CSMD1: variants seen among roughly 807,000 people sequenced by gnomAD.
The protein encoded by CSMD1 is CUB and sushi domain-containing protein 1.
In CSMD1, 213 loss-of-function variants were observed where a neutral mutation model predicts 417.5. That is an observed-to-expected ratio of 0.51 (90% CI 0.46 to 0.57). CSMD1 has a LOEUF of 0.57. Ranked by LOEUF, CSMD1 falls within the 20% of genes least tolerant of loss-of-function variation. The probability of loss-of-function intolerance (pLI) is 0.00; values close to 1 mark genes in which losing one functional copy is unlikely to be tolerated. For missense variants in CSMD1, 6,923 were observed against 4,529.7 expected (o/e 1.53, Z -15.17); for synonymous variants, 2,862 against 1,736.8 (o/e 1.65, Z -16.11).
chr8:3,191,282 C>G (rs1199176370), intron 33 of CSMD1, among the ~76,000 whole-genome samples: 1 of 152,138 alleles, frequency 6.6e-6, no homozygotes, highest in Non-Finnish European at 1.5e-5. Flanking sequence ...AGGTGAAACC[C>G]CCGTCTCTAC....
intron 18 of CSMD1, among the ~76,000 whole-genome samples, chr8:3,374,084 C>T (rs1395283755): frequency 6.6e-6 from 1 of 151,826 alleles, no homozygotes. Context: ...TCCTCAATAG[C>T]TGGGATTACA....
intron 8 of CSMD1, among the ~76,000 whole-genome samples, chr8:3,600,314 T>G (rs1801301265): frequency 6.6e-6 from 1 of 152,226 alleles, no homozygotes; most frequent in African/African-American, 2.4e-5. Context: ...CATTTAATGC[T>G]GTTGAAGGGT....
At chr8:3,953,635 G>C (rs1379766592) in intron 5 of CSMD1, among the ~76,000 whole-genome samples, 1 of 152,050 alleles carries the variant, frequency 6.6e-6, no homozygotes, top group African/African-American at 2.4e-5. Context: ...TCTATGTTAG[G>C]TGCCTCACCT....
chr8:4,780,613 G>C (rs1447445822), intron 1 of CSMD1, among the ~76,000 whole-genome samples: 2 of 152,070 alleles, frequency 1.3e-5, no homozygotes, highest in East Asian at 3.9e-4. Context: ...GGTGGTATTT[G>C]GTTACATGAA....
At chr8:4,727,962 A>G (rs1305442701) in intron 1 of CSMD1, among the ~76,000 whole-genome samples, 1 of 29,366 alleles carries the variant, frequency 3.4e-5, no homozygotes, top group Non-Finnish European at 5.5e-5. Flanking sequence ...ATGTATATAT[A>G]TACAAAATAT....
chr8:3,853,629 C>G (rs1225457767), intron 5 of CSMD1, among the ~76,000 whole-genome samples: 3 of 151,718 alleles, frequency 2.0e-5, no homozygotes, highest in African/African-American at 7.3e-5. Flanking sequence ...ACCTTGTGCC[C>G]CTGTGAGCAA....
chr8:4,008,592 C>G (rs1478403259), intron 4 of CSMD1, among the ~76,000 whole-genome samples: 2 of 86,590 alleles, frequency 2.3e-5, no homozygotes, highest in African/African-American at 8.5e-5. Context: ...TATTTTCTTT[C>G]TTTTTTTCTT....
At chr8:3,431,220 C>T (rs539840179) in intron 12 of CSMD1, among the ~76,000 whole-genome samples, 1 of 152,218 alleles carries the variant, frequency 6.6e-6, no homozygotes, top group East Asian at 1.9e-4. Context: ...AGACACAGGT[C>T]CATGCAACAG....
At chr8:3,674,920 T>G (rs1358939218) in intron 7 of CSMD1, among the ~76,000 whole-genome samples, 1 of 152,184 alleles carries the variant, frequency 6.6e-6, no homozygotes, top group African/African-American at 2.4e-5. Context: ...AATGAACTTA[T>G]GCAACACGTC....
intron 1 of CSMD1, among the ~76,000 whole-genome samples, chr8:4,989,803 C>T (rs771228595): frequency 8.3e-4 from 127 of 152,320 alleles, no homozygotes; most frequent in Middle Eastern, 3.4e-3. Flanking sequence ...GTATCGTCTG[C>T]TTATAAGCAC....
intron 3 of CSMD1, among the ~76,000 whole-genome samples, chr8:4,289,133 A>C (rs2656291): frequency 0.92 from 139,427 of 152,188 alleles, 65,106 homozygotes; most frequent in East Asian, 1. Flanking sequence ...TTAACTAGTT[A>C]CAGTTCTTCT....
intron 7 of CSMD1, among the ~76,000 whole-genome samples, chr8:3,640,834 C>T (rs1488597641): frequency 6.6e-6 from 1 of 152,024 alleles, no homozygotes; most frequent in Non-Finnish European, 1.5e-5. Context: ...GGCCTTAGTC[C>T]ATGGAATCTT....
At chr8:4,128,836 C>G (rs982700513) in intron 3 of CSMD1, among the ~76,000 whole-genome samples, 1 of 152,054 alleles carries the variant, frequency 6.6e-6, no homozygotes, top group Non-Finnish European at 1.5e-5. Context: ...GGATTCATGT[C>G]ATTATTGGTA....
At chr8:4,278,578 C>T (rs1796610792) in intron 3 of CSMD1, among the ~76,000 whole-genome samples, 1 of 152,076 alleles carries the variant, frequency 6.6e-6, no homozygotes, top group South Asian at 2.1e-4. Context: ...ATAACATATG[C>T]CTATTTTTAG....
rs79189398 is a variant in CSMD1, at chr8:3,708,889, G to C, written c.932-398C>G. Among the ~76,000 whole-genome samples, 343 of 152,194 alleles carry C rather than the reference G, an allele frequency of 2.3e-3. 7 individuals carry two copies. The East Asian group carries it at 0.053, about 24-fold the overall frequency. The stretch of plus-strand genomic sequence containing the variant: ...AAGTTTGCTATAATCATGAAAAAAA[G>C]TTTAGATAAAAAGGCCAGTTGCTCA... On this transcript the variant is annotated intron_variant, in intron 6 of 69. Coordinates refer to ENST00000635120, the MANE Select transcript of CSMD1 (RefSeq NM_033225.6).
At chr8:4,972,130 T>C (rs1810274665) in intron 1 of CSMD1, among the ~76,000 whole-genome samples, 1 of 152,166 alleles carries the variant, frequency 6.6e-6, no homozygotes, top group Non-Finnish European at 1.5e-5. Context: ...AATATCGTTA[T>C]ACGCTGCCCC....
In CSMD1 at chr8:3,262,218, T is replaced by A. The variant is rs1373365449; in HGVS notation, c.4153+21926A>T. Among the ~76,000 whole-genome samples, 2 of 125,692 alleles carry A rather than the reference T, an allele frequency of 1.6e-5. 1 individual carries two copies. Among genetic ancestry groups the A allele is most frequent in the African/African-American group, 6.5e-5 (2 of 30,638 alleles). The allele number at this position is 125,692 out of a possible 152,430, so 82.5% of individuals were successfully genotyped here. ...ATATATATATATATATATATATATA[T>A]ATATATATATATACACACACATAGT... is the stretch of plus-strand genomic sequence containing the variant. On this transcript the variant is annotated intron_variant, in intron 26 of 69. Coordinates refer to ENST00000635120, the MANE Select transcript of CSMD1 (RefSeq NM_033225.6).
chr8:3,993,475 C>T (rs1015377954), intron 5 of CSMD1, among the ~76,000 whole-genome samples: 2 of 152,150 alleles, frequency 1.3e-5, no homozygotes, highest in African/African-American at 4.8e-5. Flanking sequence ...TCAGCTTTCC[C>T]CATTTCTCTG....
At chr8:3,943,425 A>AG (rs1163420560) in intron 5 of CSMD1, among the ~76,000 whole-genome samples, 1 of 150,112 alleles carries the variant, frequency 6.7e-6, no homozygotes, top group Non-Finnish European at 1.5e-5. Flanking sequence ...TTTTTCATTA[A>AG]AAAAAAAAAA....
Sources: allele counts gnomAD v4.1 joint callset (sites outside exome capture counted in the v4.1 genomes callset), GRCh38; gene constraint gnomAD v4.1.1; transcripts MANE v1.5; gene names NCBI Gene and HGNC (gene_info 2026-07-23, HGNC 2026-07-21).